The following LUM variants were observed in gnomAD, a reference collection of about 807,000 sequenced individuals.
The protein encoded by LUM is KSPG lumican.
A neutral mutation model predicts 20.5 loss-of-function variants in LUM; 13 were observed. The observed-to-expected ratio is 0.63, with a 90% CI of 0.41 to 1.01. The LOEUF is 1.01. LUM is among the 50% of genes least tolerant of loss of function. The probability of loss-of-function intolerance (pLI) is 0.00; values close to 1 mark genes in which losing one functional copy is unlikely to be tolerated. For missense variants in LUM, 321 were observed against 391.1 expected (o/e 0.82, Z 1.51); for synonymous variants, 173 against 151.5 (o/e 1.14, Z -1.04).
Position 91,108,067 on chromosome 12 carries a change from G to A in LUM, c.862+51C>T. ...GCAATATCTGTGTTGTGCAGCCCAGGTATTTAAACACTTGAGCACACATCA... is the reference window on the plus strand; with the variant it reads ...GCAATATCTGTGTTGTGCAGCCCAGATATTTAAACACTTGAGCACACATCA... On this transcript the variant is annotated intron_variant, in intron 2 of 2. Coordinates refer to ENST00000266718, the MANE Select transcript of LUM (RefSeq NM_002345.4). This position sits in a 1 kb window ranked among gnomAD's most constrained non-coding sequence, Gnocchi z 4.2. 6.3e-7 allele frequency: 1 copy of A among 1,587,112 alleles called. No individual in the cohort carries two copies. The highest frequency in any genetic ancestry group is 1.3e-5 in the African/African-American group (1 of 74,426).
chr12:91,106,175 C>T (rs113365821), intron 2 of LUM, among the ~76,000 whole-genome samples: 76 of 152,240 alleles, frequency 5.0e-4, no homozygotes, highest in African/African-American at 1.7e-3. Context: ...TTTATGAAAA[C>T]GTTTAACCCT....
rs200635075 is a variant in LUM, at chr12:91,108,931, T to C, written c.49A>G (p.Ser17Gly). ...AAATCATAATCATAGTACTGGCCACTGGTACCACCAATCAATGCCAGGAAG... is the reference window on the plus strand; with the variant it reads ...AAATCATAATCATAGTACTGGCCACCGGTACCACCAATCAATGCCAGGAAG... ...TLFLALIGGT[S>G]GQYYDYDFPL... The change falls in exon 2 of 3, where the codon AGT becomes GGT. Residue 17 changes from serine to glycine, a missense_variant. By Grantham distance (56) the Ser-to-Gly change is moderately conservative. Transcript: ENST00000266718. This position sits in a 1 kb window ranked among gnomAD's most constrained non-coding sequence, Gnocchi z 4.2. The C allele has an allele frequency of 6.6e-5, 106 of 1,613,730 alleles. No homozygotes were observed. Among genetic ancestry groups the C allele is most frequent in the Non-Finnish European group, 9.0e-5 (106 of 1,179,748 alleles).
At chr12:91,109,815 C>G (rs1258981512) in intron 1 of LUM, among the ~76,000 whole-genome samples, 1 of 152,134 alleles carries the variant, frequency 6.6e-6, no homozygotes, top group Non-Finnish European at 1.5e-5. Flanking sequence ...GAGTTATAGT[C>G]TCTCTCAATT....
At position 91,108,832 on chromosome 12, in the gene LUM, C is replaced by A; in HGVS notation, c.148G>T (p.Ala50Ser). Residue 50 changes from alanine (A) to serine (S), a missense_variant, in exon 2 of 3, where the codon GCC becomes TCC. Coordinates refer to ENST00000266718, the MANE Select transcript of LUM (RefSeq NM_002345.4). The surrounding 1 kb of genome is among the most constrained non-coding windows in gnomAD (Gnocchi z 4.2). ...ECNCPESYPS[A>S]MYCDELKLKS... ...AATTTCAGCTCATCACAGTACATGGCACTTGGGTAGCTTTCAGGGCAGTTA... is the reference window on the plus strand; with the variant it reads ...AATTTCAGCTCATCACAGTACATGGAACTTGGGTAGCTTTCAGGGCAGTTA... 1 of 1,614,040 alleles carries A rather than the reference C, an allele frequency of 6.2e-7. No individual in the cohort carries two copies. Among genetic ancestry groups the A allele is most frequent in the East Asian group, 2.2e-5 (1 of 44,842 alleles).
At chr12:91,111,227 A>T (rs1880197151) in intron 1 of LUM, among the ~76,000 whole-genome samples, 171 bp downstream of exon 1, 1 of 152,230 alleles carries the variant, frequency 6.6e-6, no homozygotes, top group African/African-American at 2.4e-5. Context: ...TCTCAAATCT[A>T]TAAATCATGG....
In LUM at chr12:91,103,831, G is replaced by A. The variant is rs976358763; in HGVS notation, c.*334C>T. 4.9e-6 allele frequency: 1 copy of A among 205,062 alleles called. No homozygotes were observed. The highest frequency in any genetic ancestry group is 5.5e-5 in the Admixed American group (1 of 18,160). 12.7% of individuals were successfully genotyped at this position (205,062 alleles called of 1,614,324 possible). A position where few individuals can be genotyped will look rare whatever the true frequency, so the allele number is the denominator to read the frequency against. ...TAACATCCATATGTATTTAATCCAA[G>A]CTTTGAGGAACATTAAGATTTAAGG... On this transcript the variant is annotated 3_prime_UTR_variant, in exon 3 of 3. Coordinates refer to ENST00000266718, the MANE Select transcript of LUM (RefSeq NM_002345.4).
chr12:91,107,373 G>A (rs1485471148), intron 2 of LUM, among the ~76,000 whole-genome samples: 5 of 146,676 alleles, frequency 3.4e-5, no homozygotes, highest in African/African-American at 9.9e-5. Flanking sequence ...GAAAGAAAAA[G>A]AGAGAGAGAG....
intron 2 of LUM, among the ~76,000 whole-genome samples, chr12:91,105,153 A>T (rs2121041344): frequency 6.6e-6 from 1 of 152,308 alleles, no homozygotes; most frequent in South Asian, 2.1e-4. Flanking sequence ...TCATCAGTTA[A>T]TTCCAGGGAT....
Position 91,108,827 on chromosome 12 carries a change from C to T in LUM, c.153G>A (p.Met51Ile). Reference protein sequence around the residue: ...CNCPESYPSAMYCDELKLKSV... With the variant: ...CNCPESYPSAIYCDELKLKSV... Reference sequence around the variant, plus strand: ...TTTTCAATTTCAGCTCATCACAGTACATGGCACTTGGGTAGCTTTCAGGGC... The same window carrying T: ...TTTTCAATTTCAGCTCATCACAGTATATGGCACTTGGGTAGCTTTCAGGGC... The change falls in exon 2 of 3, where the codon ATG becomes ATA. Residue 51 changes from methionine to isoleucine, a missense_variant. Physicochemically the swap from Met to Ile is conservative, Grantham distance 10. Transcript: ENST00000266718. This position sits in a 1 kb window ranked among gnomAD's most constrained non-coding sequence, Gnocchi z 4.2. 1 of 1,614,062 alleles carries T rather than the reference C, an allele frequency of 6.2e-7. No homozygotes were observed. Among genetic ancestry groups the T allele is most frequent in the Non-Finnish European group, 8.5e-7 (1 of 1,180,000 alleles).
chr12:91,107,233 A>C, intron 2 of LUM, among the ~76,000 whole-genome samples: 1 of 54,322 alleles, frequency 1.8e-5, no homozygotes, highest in African/African-American at 6.4e-5. Flanking sequence ...GAAGAAAGAA[A>C]GAAAGGAAAG....
chr12:91,107,217 G>A (rs12230115), intron 2 of LUM, among the ~76,000 whole-genome samples: 5,415 of 23,014 alleles, frequency 0.24, 472 homozygotes, highest in African/African-American at 0.31. Flanking sequence ...GAAAGAAAGA[G>A]AGAAAGAAGA....
intron 2 of LUM, among the ~76,000 whole-genome samples, chr12:91,105,414 T>C (rs1374462322): frequency 6.6e-6 from 1 of 152,220 alleles, no homozygotes; most frequent in Non-Finnish European, 1.5e-5. Flanking sequence ...GATTTTGCTG[T>C]CTTTCTAAAT....
chr12:91,107,287 G>GAGAAAGAA lies in LUM; in HGVS notation c.862+823_862+830dup, dbSNP rs869096187. The stretch of plus-strand genomic sequence containing the variant: ...AGAAAGAAAGAAAGAAAGAAAGAAA[G>GAGAAAGAA]AGAAAGAAAGAAAGAAAGAAAGAAA... On this transcript the variant is annotated intron_variant, in intron 2 of 2. Transcript: ENST00000266718. Among the ~76,000 whole-genome samples the GAGAAAGAA allele has an allele frequency of 3.2e-3, 194 of 61,292 alleles. 3 individuals carry two copies. Among genetic ancestry groups the GAGAAAGAA allele is most frequent in the African/African-American group, 7.8e-3 (104 of 13,366 alleles). 40.2% of individuals were successfully genotyped at this position (61,292 alleles called of 152,430 possible). A position where few individuals can be genotyped will look rare whatever the true frequency, so the allele number is the denominator to read the frequency against.
chr12:91,104,930 G>T (rs1199056754), intron 2 of LUM, among the ~76,000 whole-genome samples: 1 of 151,984 alleles, frequency 6.6e-6, no homozygotes, highest in East Asian at 1.9e-4. Flanking sequence ...TTTGTCCATG[G>T]TCAAAAAGCT....
chr12:91,106,117 A>C (rs916433470), intron 2 of LUM, among the ~76,000 whole-genome samples: 1 of 152,180 alleles, frequency 6.6e-6, no homozygotes. Flanking sequence ...TGCTTTTCAG[A>C]AACAACAAAG....
In LUM at chr12:91,108,943, T is replaced by C; in HGVS notation, c.37A>G (p.Ile13Val). ...LSAFTLFLAL[I>V]GGTSGQYYDY... ...TAGTACTGGCCACTGGTACCACCAA[T>C]CAATGCCAGGAAGAGAGTAAATGCA... Residue 13 changes from isoleucine to valine, a missense_variant, in exon 2 of 3, where the codon ATT (isoleucine) becomes GTT (valine). Physicochemically the swap from Ile to Val is conservative, Grantham distance 29. Transcript: ENST00000266718. This position sits in a 1 kb window ranked among gnomAD's most constrained non-coding sequence, Gnocchi z 4.2. The C allele has an allele frequency of 6.2e-7, 1 of 1,613,660 alleles. No homozygotes were observed. The highest frequency in any genetic ancestry group is 8.5e-7 in the Non-Finnish European group (1 of 1,179,750).
At chr12:91,109,648 T>C (rs1880160225) in intron 1 of LUM, among the ~76,000 whole-genome samples, 1 of 152,182 alleles carries the variant, frequency 6.6e-6, no homozygotes, top group Admixed American at 6.5e-5. Flanking sequence ...GTTCTGGAAC[T>C]AATATTTCAT....
rs971108348 is a variant in LUM at position 91,104,275 on chromosome 12, A to G, written c.907T>C (p.Tyr303His). ...AAACGCAAATGCTTGATCTTGGAGTAGGATAATGGCCCCAGGATCTTGCAG... is the reference window on the plus strand; with the variant it reads ...AAACGCAAATGCTTGATCTTGGAGTGGGATAATGGCCCCAGGATCTTGCAG... Reference protein sequence around the residue: ...SFCKILGPLSYSKIKHLRLDG... With the variant: ...SFCKILGPLSHSKIKHLRLDG... Residue 303 changes from tyrosine (Y) to histidine (H), a missense_variant, in exon 3 of 3, where the codon TAC becomes CAC. Transcript: ENST00000266718. 5 of 1,612,720 alleles carry G rather than the reference A, an allele frequency of 3.1e-6. No individual in the cohort carries two copies. The highest frequency in any genetic ancestry group is 1.7e-4 in the Middle Eastern group (1 of 6,054).
Position 91,104,239 on chromosome 12 carries a change from G to A in LUM, c.943C>T (p.Arg315Cys), listed in dbSNP as rs144708376. 1.6e-4 allele frequency: 251 copies of A among 1,612,544 alleles called. 2 individuals carry two copies. The East Asian group carries it at 5.1e-3, about 33-fold the overall frequency. ...KIKHLRLDGN[R>C]ISETSLPPDM... ...GGTGGAAGACTGGTTTCTGAGATGC[G>A]ATTGCCATCCAAACGCAAATGCTTG... Residue 315 changes from arginine to cysteine, a missense_variant, in exon 3 of 3, where the codon CGC (arginine) becomes TGC (cysteine). Coordinates refer to ENST00000266718, the MANE Select transcript of LUM (RefSeq NM_002345.4).
Sources: allele counts gnomAD v4.1 joint callset (sites outside exome capture counted in the v4.1 genomes callset), GRCh38; gene constraint gnomAD v4.1.1; non-coding constraint Gnocchi (gnomAD v3.1); transcripts MANE v1.5; gene names NCBI Gene and HGNC (gene_info 2026-07-23, HGNC 2026-07-21).